The following DLG5 variants were observed in gnomAD, a reference collection of about 807,000 sequenced individuals.
The protein encoded by DLG5 is disks large homolog 5.
A neutral mutation model predicts 189.8 loss-of-function variants in DLG5; 48 were observed. The observed-to-expected ratio is 0.25, with a 90% CI of 0.20 to 0.32. The LOEUF (loss-of-function observed/expected upper bound fraction) is 0.32. Ranked by LOEUF, DLG5 falls within the 10% of genes least tolerant of loss-of-function variation. The pLI is 1.00. For synonymous variants in DLG5, 1,016 were observed against 1,054.1 expected (o/e 0.96, Z 0.70); for missense variants, 2,160 against 2,544.7 (o/e 0.85, Z 3.25).
chr10:77,819,288 G>A (rs1168257658), intron 17 of DLG5, 33 bp downstream of exon 17: 4 of 1,613,268 alleles, frequency 2.5e-6, no homozygotes, highest in Non-Finnish European at 3.4e-6. Flanking sequence ...TGGGCAGCTG[G>A]AGTACAGAGA....
intron 1 of DLG5, among the ~76,000 whole-genome samples, chr10:77,882,650 G>A (rs576945321): frequency 1.3e-5 from 2 of 152,172 alleles, no homozygotes; most frequent in Non-Finnish European, 2.9e-5. Context: ...AGTGGCTCAC[G>A]CCTGTAATCC....
chr10:77,819,547 A>C, intron 16 of DLG5, 82 bp from the exon 17 acceptor site: 1 of 1,502,646 alleles, frequency 6.7e-7, no homozygotes, highest in Non-Finnish European at 8.9e-7. Flanking sequence ...CCTGTATCCC[A>C]GGACGCAGCC....
chr10:77,866,771 T>C (rs1248653), intron 2 of DLG5: 96,718 of 353,608 alleles, frequency 0.27, 14,230 homozygotes, highest in Admixed American at 0.41. Context: ...CCCCATGTAC[T>C]GGCTGACCTC....
intron 1 of DLG5, among the ~76,000 whole-genome samples, chr10:77,894,735 T>A (rs147755404): frequency 6.6e-6 from 1 of 152,094 alleles, no homozygotes; most frequent in Non-Finnish European, 1.5e-5. Context: ...AGCGTACCCC[T>A]TCCCCACCTC....
chr10:77,912,771 C>A (rs1846260560), intron 1 of DLG5, among the ~76,000 whole-genome samples: 1 of 152,230 alleles, frequency 6.6e-6, no homozygotes, highest in Admixed American at 6.5e-5. Flanking sequence ...ACACCATCTG[C>A]AGCCTCTGGC....
chr10:77,819,927 T>A lies in DLG5; in HGVS notation c.3494A>T (p.Asn1165Ile). Residue 1165 changes from asparagine (N) to isoleucine (I), a missense_variant, in exon 16 of 32, where the codon AAC becomes ATC. Around this residue, in one of 5 missense-constraint regions of DLG5, gnomAD observed 754 missense variants for 746.5 expected, o/e 1.01. Transcript: ENST00000372391. Reference protein sequence around the residue: ...YSPGHSSRHSNPPLYPSRPSV... With the variant: ...YSPGHSSRHSIPPLYPSRPSV... The stretch of plus-strand genomic sequence containing the variant: ...CGGCCTGCTAGGGTATAGCGGGGGG[T>A]TGCTGTGCCGGCTGGAATGCCCAGG... The A allele has an allele frequency of 1.2e-6, 2 of 1,602,202 alleles. No homozygotes were observed. Among genetic ancestry groups the A allele is most frequent in the East Asian group, 2.2e-5 (1 of 44,538 alleles).
chr10:77,909,548 T>G (rs1030206011), intron 1 of DLG5, among the ~76,000 whole-genome samples: 1 of 151,968 alleles, frequency 6.6e-6, no homozygotes, highest in East Asian at 1.9e-4. Context: ...CAAGACTACA[T>G]GAAATTTCAC....
intron 25 of DLG5, 135 bp from the exon 26 acceptor site, chr10:77,807,063 G>A (rs1841514279): frequency 1.0e-6 from 1 of 972,134 alleles, no homozygotes; most frequent in Non-Finnish European, 1.5e-6. Context: ...GAATCGCCGA[G>A]GGTGGTGATT....
intron 1 of DLG5, among the ~76,000 whole-genome samples, chr10:77,922,308 G>A (rs1385439456): frequency 6.6e-6 from 1 of 152,120 alleles, no homozygotes; most frequent in African/African-American, 2.4e-5. Flanking sequence ...AAAAACTCAG[G>A]TGTTTCCCCA....
intron 1 of DLG5, among the ~76,000 whole-genome samples, chr10:77,889,838 A>T (rs1032607287): frequency 6.6e-6 from 1 of 152,116 alleles, no homozygotes; most frequent in Non-Finnish European, 1.5e-5. Flanking sequence ...CAACCATCCT[A>T]GGAAGTATTT....
chr10:77,806,737 C>T, intron 26 of DLG5, 21 bp downstream of exon 26: 1 of 1,592,028 alleles, frequency 6.3e-7, no homozygotes. Flanking sequence ...CCACCCCACC[C>T]CAGGCCCGGA....
intron 1 of DLG5, among the ~76,000 whole-genome samples, chr10:77,918,263 A>C (rs373284536): frequency 6.6e-6 from 1 of 152,016 alleles, no homozygotes; most frequent in Non-Finnish European, 1.5e-5. Flanking sequence ...ATACAAAAAA[A>C]TTAGCCAGGT....
chr10:77,796,428 A>G lies in DLG5; in HGVS notation c.5308+23T>C. 2.5e-6 allele frequency: 4 copies of G among 1,614,114 alleles called. No homozygotes were observed. Among genetic ancestry groups the G allele is most frequent in the Non-Finnish European group, 3.4e-6 (4 of 1,179,978 alleles). On this transcript the variant is annotated intron_variant, in intron 28 of 31. Coordinates refer to ENST00000372391, the MANE Select transcript of DLG5 (RefSeq NM_004747.4). The surrounding 1 kb of genome is among the most constrained non-coding windows in gnomAD (Gnocchi z 5.2). The stretch of plus-strand genomic sequence containing the variant: ...TAGAGACAAAGAGCCCAGTAGGCAC[A>G]GAGGGTGCCCCGTGCCCCTTACCAA...
intron 1 of DLG5, among the ~76,000 whole-genome samples, chr10:77,896,761 G>A (rs1286961009): frequency 1.3e-5 from 2 of 151,932 alleles, no homozygotes; most frequent in South Asian, 4.1e-4. Flanking sequence ...AGAGGTTGCA[G>A]TGAGCTGAGA....
intron 1 of DLG5, among the ~76,000 whole-genome samples, chr10:77,925,981 G>A (rs923563438): frequency 6.6e-6 from 1 of 152,194 alleles, no homozygotes; most frequent in Non-Finnish European, 1.5e-5. Flanking sequence ...TGTCGTCGAG[G>A]CACCTGAGAG....
At chr10:77,842,962 T>C (rs1843499494) in intron 6 of DLG5, among the ~76,000 whole-genome samples, 2 of 152,126 alleles carry the variant, frequency 1.3e-5, no homozygotes, top group Admixed American at 1.3e-4. Flanking sequence ...AGAGAACTGG[T>C]GATTCACAGG....
Position 77,819,374 on chromosome 10 carries a change from G to A in DLG5, c.3618C>T (p.Pro1206=), listed in dbSNP as rs572403867. 6.2e-7 allele frequency: 1 copy of A among 1,614,156 alleles called. No individual in the cohort carries two copies. Among genetic ancestry groups the A allele is most frequent in the Non-Finnish European group, 8.5e-7 (1 of 1,180,038 alleles). ...CTCGGGCCGCAGGTGGAGAGCTGCA[G>A]GGGCCGACCCTGTGACTGCGCACAG... ...IYTVRSHRVG[P]CSSPPAARDA... is the part of the protein sequence containing the mutation. Residue 1206 remains proline, a synonymous_variant, in exon 17 of 32, where the codon CCC becomes CCT. Transcript: ENST00000372391.
At chr10:77,877,797 G>T (rs780129314) in intron 1 of DLG5, among the ~76,000 whole-genome samples, 89 of 152,130 alleles carry the variant, frequency 5.9e-4, no homozygotes, top group Non-Finnish European at 1.0e-4. Context: ...GGGGGTGGAG[G>T]GGGGACAACG....
intron 1 of DLG5, among the ~76,000 whole-genome samples, chr10:77,898,296 C>T (rs1845823663): frequency 6.6e-6 from 1 of 152,206 alleles, no homozygotes; most frequent in Admixed American, 6.5e-5. Flanking sequence ...CCTGGGACTT[C>T]ACTTTTCTTG....
Sources: gnomAD v4.1 joint callset for allele counts (sites outside exome capture counted in the v4.1 genomes callset) on GRCh38, gnomAD v4.1.1 for gene constraint, gnomAD v4.1.1 regional missense constraint, Gnocchi (gnomAD v3.1) non-coding constraint, MANE v1.5 for transcripts, NCBI Gene and HGNC (gene_info 2026-07-23, HGNC 2026-07-21) for gene names.